Variants in THSD7A observed in about 807,000 individuals in gnomAD.
THSD7A encodes the protein thrombospondin type 1 domain containing 7A.
THSD7A carries 96 observed loss-of-function variants against 231.3 expected under a neutral mutation model. The observed-to-expected ratio is 0.41, with a 90% confidence interval of 0.35 to 0.49. The LOEUF is 0.49. Among genes scored for constraint, THSD7A ranks in the 20% least tolerant of loss-of-function variants. The pLI, the probability that THSD7A is intolerant of heterozygous loss-of-function variation, is 0.05. For missense variants in THSD7A, 2,290 were observed against 2,070.2 expected (o/e 1.11, Z -2.06); for synonymous variants, 940 against 743.3 (o/e 1.26, Z -4.30).
chr7:11,817,284 C>T (rs562764382), intron 1 of THSD7A, among the ~76,000 whole-genome samples: 3 of 152,302 alleles, frequency 2.0e-5, no homozygotes, highest in Non-Finnish European at 2.9e-5. Context: ...AGAATAATCT[C>T]GGGTTTTACA....
intron 8 of THSD7A, among the ~76,000 whole-genome samples, chr7:11,471,943 G>A (rs1234557085): frequency 1.3e-5 from 2 of 152,062 alleles, no homozygotes; most frequent in Non-Finnish European, 2.9e-5. Flanking sequence ...TTACTCAGTT[G>A]CATGCTCCTC....
At chr7:11,722,708 CA>C (rs1195109153) in intron 1 of THSD7A, among the ~76,000 whole-genome samples, 1 of 151,894 alleles carries the variant, frequency 6.6e-6, no homozygotes, top group Admixed American at 6.6e-5. Flanking sequence ...TTTATGCAGC[CA>C]AAAGACACAT....
intron 1 of THSD7A, among the ~76,000 whole-genome samples, chr7:11,675,333 TG>T (rs1330439236): frequency 6.6e-6 from 1 of 152,030 alleles, no homozygotes; most frequent in Non-Finnish European, 1.5e-5. Context: ...AGCACAAAAC[TG>T]GGGGGCCATT....
At chr7:11,462,311 A>G (rs1785537624) in intron 9 of THSD7A, among the ~76,000 whole-genome samples, 168 bp from the exon 10 acceptor site, 2 of 152,242 alleles carry the variant, frequency 1.3e-5, no homozygotes, top group African/African-American at 4.8e-5. Flanking sequence ...GACCATTTAT[A>G]TCAAAAACCC....
At position 11,447,234 on chromosome 7, in the gene THSD7A, A is replaced by G; in HGVS notation, c.2796T>C (p.Leu932=). Residue 932 remains leucine, a synonymous_variant, in exon 12 of 28, where the codon CTT becomes CTC. Transcript: ENST00000423059. ...TGGCATCCCAATTATTCTTACCAACAAGAGTGCGCTTTCTGGTCCTAACTG... is the reference window on the plus strand; with the variant it reads ...TGGCATCCCAATTATTCTTACCAACGAGAGTGCGCTTTCTGGTCCTAACTG... The part of the protein sequence containing the change: ...CGAVRTRKRT[L]VGKSKKKEKC... The G allele has an allele frequency of 6.2e-7, 1 of 1,612,956 alleles. No homozygotes were observed. The highest frequency in any genetic ancestry group is 2.2e-5 in the East Asian group (1 of 44,808).
chr7:11,709,960 TA>T (rs1780895885), intron 1 of THSD7A, among the ~76,000 whole-genome samples: 1 of 150,836 alleles, frequency 6.6e-6, no homozygotes, highest in Non-Finnish European at 1.5e-5. Flanking sequence ...TGCTAACTCT[TA>T]AAAGGTTGGA....
chr7:11,784,796 T>C (rs970253351), intron 1 of THSD7A, among the ~76,000 whole-genome samples: 4 of 152,120 alleles, frequency 2.6e-5, no homozygotes, highest in South Asian at 4.1e-4. Flanking sequence ...TTTGAATATA[T>C]ATTGTTGCAA....
At chr7:11,673,510 C>A (rs768396132) in intron 1 of THSD7A, among the ~76,000 whole-genome samples, 2 of 152,132 alleles carry the variant, frequency 1.3e-5, no homozygotes, top group African/African-American at 4.8e-5. Flanking sequence ...GTGCCCATCA[C>A]CAAGGCCCCA....
chr7:11,486,449 C>T (rs1786661888), intron 6 of THSD7A, among the ~76,000 whole-genome samples: 1 of 152,166 alleles, frequency 6.6e-6, no homozygotes, highest in South Asian at 2.1e-4. Context: ...ACAGTTAGGA[C>T]ATATTCATCC....
intron 1 of THSD7A, among the ~76,000 whole-genome samples, chr7:11,809,284 A>C (rs893784846): frequency 1.3e-5 from 2 of 152,188 alleles, no homozygotes; most frequent in Non-Finnish European, 2.9e-5. Flanking sequence ...TATTGTTGTT[A>C]AAGTGCTGAC....
rs1374002899 is a variant in THSD7A, at chr7:11,476,845, G to A, written c.2018-2277C>T. On this transcript the variant is annotated intron_variant, in intron 7 of 27. Transcript: ENST00000423059. ...AAAAAAAAAAAAAAAAGATAGTGTAGAAAGCGATTATATACAAATTCATTT... is the reference window on the plus strand; with the variant it reads ...AAAAAAAAAAAAAAAAGATAGTGTAAAAAGCGATTATATACAAATTCATTT... Among the ~76,000 whole-genome samples, 48 of 149,490 alleles carry A rather than the reference G, an allele frequency of 3.2e-4. 1 individual carries two copies. The highest frequency in any genetic ancestry group is 4.6e-4 in the Non-Finnish European group (31 of 67,376).
intron 1 of THSD7A, among the ~76,000 whole-genome samples, chr7:11,795,412 T>C (rs114508756): frequency 0.011 from 1,665 of 152,144 alleles, 25 homozygotes; most frequent in African/African-American, 0.037. Flanking sequence ...CAAAAGATGA[T>C]GGTATCCTAT....
chr7:11,507,016 C>T (rs943649007), intron 6 of THSD7A, among the ~76,000 whole-genome samples: 4 of 152,082 alleles, frequency 2.6e-5, no homozygotes, highest in Non-Finnish European at 5.9e-5. Context: ...TCTCTCATTG[C>T]TGTAGGCCTA....
At chr7:11,542,889 A>T in intron 5 of THSD7A, 73 bp downstream of exon 5, 1 of 1,482,184 alleles carries the variant, frequency 6.7e-7, no homozygotes, top group Admixed American at 2.1e-5. Context: ...AACACAGAAG[A>T]GCATTTTAAA....
intron 13 of THSD7A, among the ~76,000 whole-genome samples, chr7:11,439,113 T>C (rs1208531975): frequency 6.6e-6 from 1 of 152,022 alleles, no homozygotes; most frequent in Non-Finnish European, 1.5e-5. Context: ...AAAATATGAC[T>C]ATTTTCAAAG....
At chr7:11,475,481 G>C (rs988957215) in intron 7 of THSD7A, among the ~76,000 whole-genome samples, 2 of 151,690 alleles carry the variant, frequency 1.3e-5, no homozygotes, top group Non-Finnish European at 2.9e-5. Context: ...GATTGAAGCA[G>C]AACTCTCTTT....
At chr7:11,809,009 G>A (rs1784463982) in intron 1 of THSD7A, among the ~76,000 whole-genome samples, 1 of 151,996 alleles carries the variant, frequency 6.6e-6, no homozygotes. Context: ...AAATCATCAT[G>A]AGTATTATGA....
At chr7:11,407,966 T>G (rs926357448) in intron 19 of THSD7A, among the ~76,000 whole-genome samples, 1 of 152,332 alleles carries the variant, frequency 6.6e-6, no homozygotes, top group Middle Eastern at 3.4e-3. Context: ...CACCAAAGTT[T>G]TTTTTTGATT....
intron 2 of THSD7A, among the ~76,000 whole-genome samples, chr7:11,626,085 A>G (rs573043393): frequency 2.6e-5 from 4 of 152,256 alleles, no homozygotes; most frequent in Admixed American, 6.5e-5. Flanking sequence ...AGGCAGTGAC[A>G]TATATTATCT....
Sources: gnomAD v4.1 joint callset for allele counts (sites outside exome capture counted in the v4.1 genomes callset) on GRCh38, gnomAD v4.1.1 for gene constraint, MANE v1.5 for transcripts, NCBI Gene and HGNC (gene_info 2026-07-23, HGNC 2026-07-21) for gene names.